The following DPP6 variants were observed in gnomAD, a reference collection of about 807,000 sequenced individuals.
DPP6 encodes dipeptidyl peptidase like 6, also known as A-type potassium channel modulatory protein DPP6.
Under a neutral mutation model 122.6 loss-of-function variants are expected in DPP6, and 69 were observed. The observed-to-expected ratio is 0.56, with a 90% confidence interval of 0.46 to 0.69. The LOEUF (loss-of-function observed/expected upper bound fraction) is 0.69. Among genes scored for constraint, DPP6 ranks in the 30% least tolerant of loss-of-function variants. The pLI is 0.00. For synonymous variants in DPP6, 418 were observed against 433.1 expected, an observed-to-expected ratio of 0.97 and a Z score of 0.43; for missense variants, 928 against 1,116.9, an observed-to-expected ratio of 0.83 and a Z score of 2.41.
chr7:154,686,824 A>G lies in DPP6; in HGVS notation c.762+17383A>G, dbSNP rs183296447. The stretch of plus-strand genomic sequence containing the variant: ...TCGGATGCATTTTAAATGTTAATGA[A>G]ATATTTTATGAATAAAGAGTAATAA... On this transcript the variant is annotated intron_variant, in intron 7 of 25. Coordinates refer to ENST00000377770, the MANE Select transcript of DPP6 (RefSeq NM_130797.4). Among the ~76,000 whole-genome samples the G allele has an allele frequency of 5.4e-3, 824 of 152,262 alleles. 2 individuals are homozygous for G. Among genetic ancestry groups the G allele is most frequent in the Non-Finnish European group, 7.3e-3 (497 of 68,018 alleles).
chr7:154,059,970 T>G (rs1378247507), intron 1 of DPP6, among the ~76,000 whole-genome samples: 2 of 151,840 alleles, frequency 1.3e-5, no homozygotes, highest in African/African-American at 4.8e-5. Context: ...ATGGCTGAGA[T>G]CCATCCCCTC....
At chr7:154,779,543 G>A (rs150250264) in intron 10 of DPP6, among the ~76,000 whole-genome samples, 360 of 152,314 alleles carry the variant, frequency 2.4e-3, no homozygotes, top group Non-Finnish European at 3.9e-3. Flanking sequence ...ACTTGAGCAC[G>A]AGTCTTCCGT....
At chr7:153,841,455 C>T in the DPP6 span, among the ~76,000 whole-genome samples, 5 of 152,172 alleles carry the variant, frequency 3.3e-5, no homozygotes, top group East Asian at 7.7e-4. Flanking sequence ...AAGTTCAGGC[C>T]GCTCGAACTC....
In DPP6 at chr7:153,957,299, T is replaced by TCC. The variant is rs557196539; in HGVS notation, c.51+69568_51+69569dup. Among the ~76,000 whole-genome samples, 197 of 152,292 alleles carry TCC rather than the reference T, an allele frequency of 1.3e-3. 1 individual carries two copies. Among genetic ancestry groups the TCC allele is most frequent in the Non-Finnish European group, 2.2e-3 (151 of 68,020 alleles). On this transcript the variant is annotated intron_variant, in intron 1 of 25. Transcript: ENST00000404039. Reference sequence around the variant, plus strand: ...CCACCTGCTCTTGCACTCCGAACCCTCCCCGCTCACTAGCAAGTCCACAGA... The same window carrying TCC: ...CCACCTGCTCTTGCACTCCGAACCCTCCCCCCGCTCACTAGCAAGTCCACAGA...
At chr7:153,907,266 A>AT (rs1799889834) in intron 1 of DPP6, among the ~76,000 whole-genome samples, 1 of 152,038 alleles carries the variant, frequency 6.6e-6, no homozygotes, top group Admixed American at 6.5e-5. Flanking sequence ...GATGATGAGC[A>AT]TTTTTTCCTG....
intron 3 of DPP6, among the ~76,000 whole-genome samples, chr7:154,522,429 A>G (rs79597848): frequency 0.012 from 1,831 of 152,226 alleles, 22 homozygotes; most frequent in South Asian, 0.018. Flanking sequence ...CCAGCCAGCA[A>G]TTCTAATGTT....
At chr7:153,800,556 G>T in the DPP6 span, among the ~76,000 whole-genome samples, 103 of 152,240 alleles carry the variant, frequency 6.8e-4, 1 homozygote, top group Non-Finnish European at 1.0e-3. Flanking sequence ...TAACTCTGTT[G>T]TCCAGGCTGG....
rs557271795 is a variant in DPP6 at position 154,090,982 on chromosome 7, G to A, written c.243+37919G>A. 1.5e-3 allele frequency among the ~76,000 whole-genome samples: 222 copies of A among 151,188 alleles called. 2 individuals are homozygous for A. The highest frequency in any genetic ancestry group is 5.2e-3 in the African/African-American group (213 of 41,068). ...AAAAATACAAAAAAATTAGCCAGGCGTGGTGGCGGGTGCCTGTAGTCCCAG... is the reference window on the plus strand; with the variant it reads ...AAAAATACAAAAAAATTAGCCAGGCATGGTGGCGGGTGCCTGTAGTCCCAG... On this transcript the variant is annotated intron_variant, in intron 1 of 25. Coordinates refer to ENST00000377770, the MANE Select transcript of DPP6 (RefSeq NM_130797.4).
chr7:154,753,985 A>G (rs905647583), intron 8 of DPP6, among the ~76,000 whole-genome samples: 52 of 152,116 alleles, frequency 3.4e-4, no homozygotes, highest in African/African-American at 1.3e-3. Context: ...CATCGGATAT[A>G]GTTGGGCAGA....
At chr7:154,776,047 C>G (rs1796540231) in intron 10 of DPP6, among the ~76,000 whole-genome samples, 2 of 152,146 alleles carry the variant, frequency 1.3e-5, no homozygotes, top group African/African-American at 4.8e-5. Context: ...CCCCTCCTGC[C>G]CCACCCACTG....
At chr7:154,747,532 T>A (rs1242398522) in intron 8 of DPP6, among the ~76,000 whole-genome samples, 1 of 152,230 alleles carries the variant, frequency 6.6e-6, no homozygotes, top group Non-Finnish European at 1.5e-5. Flanking sequence ...AGCATCGACC[T>A]TGTGGGGTCA....
At chr7:154,671,866 A>ACACACACACACATG (rs1554431524) in intron 7 of DPP6, among the ~76,000 whole-genome samples, 4 of 118,008 alleles carry the variant, frequency 3.4e-5, no homozygotes, top group Admixed American at 2.5e-4. Context: ...ACACACATGC[A>ACACACACACACATG]CACACACACA....
chr7:154,869,237 A>G (rs1304828551), intron 18 of DPP6, among the ~76,000 whole-genome samples: 2 of 152,132 alleles, frequency 1.3e-5, no homozygotes, highest in African/African-American at 4.8e-5. Context: ...CCTGGAGCCT[A>G]GGGTATTCGC....
At chr7:154,045,770 G>A (rs1563128284) in intron 1 of DPP6, among the ~76,000 whole-genome samples, 2 of 152,282 alleles carry the variant, frequency 1.3e-5, no homozygotes, top group East Asian at 1.9e-4. Context: ...ATTATCAGTC[G>A]GATAATTTGT....
At chr7:154,817,489 G>A (rs1003534471) in intron 16 of DPP6, among the ~76,000 whole-genome samples, 1 of 152,110 alleles carries the variant, frequency 6.6e-6, no homozygotes, top group East Asian at 1.9e-4. Flanking sequence ...AACTTCAAGA[G>A]TAATTGATGA....
intron 1 of DPP6, among the ~76,000 whole-genome samples, chr7:154,213,526 C>T (rs928773664): frequency 1.3e-5 from 2 of 152,196 alleles, no homozygotes; most frequent in South Asian, 4.1e-4. Context: ...AATCCAACCA[C>T]TCAGCTTCAT....
At chr7:154,174,945 C>T (rs1585553553) in intron 1 of DPP6, among the ~76,000 whole-genome samples, 1 of 150,156 alleles carries the variant, frequency 6.7e-6, no homozygotes. Context: ...GGCATGATCT[C>T]GGATCACTGC....
chr7:154,522,033 C>G (rs916453237), intron 3 of DPP6, among the ~76,000 whole-genome samples: 1 of 151,996 alleles, frequency 6.6e-6, no homozygotes, highest in Admixed American at 6.6e-5. Context: ...GGCGCGATCT[C>G]GGCTACTGCA....
chr7:154,173,241 C>T (rs956288874), intron 1 of DPP6, among the ~76,000 whole-genome samples: 7 of 152,068 alleles, frequency 4.6e-5, no homozygotes, highest in East Asian at 3.9e-4. Context: ...CAGCGTGGGA[C>T]GAATGAGACT....
Sources: gnomAD v4.1 joint callset for allele counts (sites outside exome capture counted in the v4.1 genomes callset) on GRCh38, gnomAD v4.1.1 for gene constraint, MANE v1.5 for transcripts, NCBI Gene and HGNC (gene_info 2026-07-23, HGNC 2026-07-21) for gene names.